Variants in CUL5 observed in about 807,000 individuals in gnomAD.
The protein encoded by CUL5 is cullin 5.
A neutral mutation model predicts 108.8 loss-of-function variants in CUL5; 26 were observed. That is an observed-to-expected ratio of 0.24 (90% CI 0.18 to 0.33). CUL5 has a LOEUF of 0.33. Ranked by LOEUF, CUL5 falls within the 10% of genes least tolerant of loss-of-function variation. The probability of loss-of-function intolerance (pLI) is 1.00; values close to 1 mark genes in which losing one functional copy is unlikely to be tolerated. For missense variants in CUL5, 524 were observed against 909.2 expected (o/e 0.58, Z 5.45); for synonymous variants, 334 against 298.0 (o/e 1.12, Z -1.25).
chr11:108,083,307 C>T (rs1351877471), intron 11 of CUL5, among the ~76,000 whole-genome samples: 1 of 152,192 alleles, frequency 6.6e-6, no homozygotes, highest in Non-Finnish European at 1.5e-5. Context: ...TTAACTGGTC[C>T]TTTACTGCTG....
Position 108,043,383 on chromosome 11 carries a change from CT to C in CUL5, c.135-2883del, listed in dbSNP as rs150233382. On this transcript the variant is annotated intron_variant, in intron 2 of 18. Transcript: ENST00000393094. ...GCCAATATGCCTGGCCCAGTCTCTT[CT>C]TTTAGACTCTAGATTCTTTTAGTCA... Among the ~76,000 whole-genome samples the C allele has an allele frequency of 5.8e-3, 890 of 152,292 alleles. 10 individuals carry two copies. The highest frequency in any genetic ancestry group is 0.02 in the African/African-American group (838 of 41,572).
intron 7 of CUL5, among the ~76,000 whole-genome samples, chr11:108,064,384 G>T (rs754217728): frequency 1.3e-5 from 2 of 152,116 alleles, no homozygotes; most frequent in Non-Finnish European, 2.9e-5. Flanking sequence ...ACTTGGTCAT[G>T]ATGAATGATT....
chr11:108,051,362 T>G (rs921444874), intron 4 of CUL5, among the ~76,000 whole-genome samples: 5 of 152,242 alleles, frequency 3.3e-5, no homozygotes, highest in African/African-American at 9.6e-5. Flanking sequence ...TGGATTCAAA[T>G]CTCAGTGTTG....
chr11:108,058,699 G>C (rs760930219), intron 7 of CUL5, among the ~76,000 whole-genome samples: 2 of 151,964 alleles, frequency 1.3e-5, no homozygotes, highest in Non-Finnish European at 2.9e-5. Context: ...TGAATGATAG[G>C]GAACTAGCCT....
chr11:108,070,656 GA>G (rs1863799555), intron 8 of CUL5, among the ~76,000 whole-genome samples: 1 of 151,764 alleles, frequency 6.6e-6, no homozygotes, highest in African/African-American at 2.4e-5. Context: ...TTCTTAAAAA[GA>G]TGTGTTTTGA....
At chr11:108,032,574 A>G (rs1349247337) in intron 1 of CUL5, among the ~76,000 whole-genome samples, 3 of 151,920 alleles carry the variant, frequency 2.0e-5, no homozygotes, top group Non-Finnish European at 4.4e-5. Context: ...TGACTAACAC[A>G]TATGGGGTCT....
At chr11:108,064,511 C>T (rs1310223217) in intron 7 of CUL5, among the ~76,000 whole-genome samples, 1 of 152,052 alleles carries the variant, frequency 6.6e-6, no homozygotes, top group African/African-American at 2.4e-5. Flanking sequence ...AGTTTGAGAC[C>T]AGCCTGGCCA....
At chr11:108,010,427 C>T (rs940298944) in intron 1 of CUL5, among the ~76,000 whole-genome samples, 1 of 152,198 alleles carries the variant, frequency 6.6e-6, no homozygotes, top group East Asian at 1.9e-4. Flanking sequence ...ATAGATGGGA[C>T]TGTCTCATAA....
intron 1 of CUL5, among the ~76,000 whole-genome samples, chr11:108,028,416 C>T (rs1237226315): frequency 6.6e-6 from 1 of 152,186 alleles, no homozygotes; most frequent in African/African-American, 2.4e-5. Flanking sequence ...ATACCTCCTA[C>T]CTCCATTGCT....
chr11:108,069,832 T>C (rs1863778064), intron 7 of CUL5, among the ~76,000 whole-genome samples: 2 of 152,220 alleles, frequency 1.3e-5, no homozygotes, highest in Admixed American at 6.5e-5. Flanking sequence ...TTTGGTTTTG[T>C]ATATTTTTCT....
intron 15 of CUL5, 121 bp from the exon 16 acceptor site, chr11:108,095,409 T>G (rs1201164680): frequency 1.5e-6 from 1 of 656,850 alleles, no homozygotes; most frequent in Non-Finnish European, 2.5e-6. Flanking sequence ...AAAATGTTTA[T>G]TACTGTGAAA....
chr11:108,016,986 T>C (rs1207288865), intron 1 of CUL5, among the ~76,000 whole-genome samples: 4 of 152,124 alleles, frequency 2.6e-5, no homozygotes, highest in Non-Finnish European at 5.9e-5. Flanking sequence ...TAGAAAACAT[T>C]GGTCAAATCC....
chr11:108,094,347 A>T (rs752715219), intron 13 of CUL5, 44 bp from the exon 14 acceptor site: 4 of 1,427,176 alleles, frequency 2.8e-6, no homozygotes, highest in African/African-American at 1.5e-5. Context: ...AATATATCAG[A>T]TTATGTATTT....
chr11:108,009,401 A>G, intron 1 of CUL5, 29 bp downstream of exon 1: 1 of 1,613,114 alleles, frequency 6.2e-7, no homozygotes, highest in Non-Finnish European at 8.5e-7. Context: ...CTTGGGTTTT[A>G]CTGTGTGGCC....
intron 4 of CUL5, 53 bp from the exon 5 acceptor site, chr11:108,052,607 C>A: frequency 6.7e-7 from 1 of 1,499,882 alleles, no homozygotes; most frequent in South Asian, 1.2e-5. Flanking sequence ...GTACATGATA[C>A]TTTGTATATT....
Position 108,098,400 on chromosome 11 carries a change from T to C in CUL5, c.2025-6T>C, listed in dbSNP as rs375903062. 1.2e-4 allele frequency: 186 copies of C among 1,600,130 alleles called. No homozygotes were observed. The highest frequency in any genetic ancestry group is 1.6e-4 in the Non-Finnish European group (183 of 1,175,170). ...CATAAAATACTTGATGCAATTCTTT[T>C]TGTAGAAAAAATGCAAAGGTTCAGA... On this transcript the variant is annotated splice_polypyrimidine_tract_variant and splice_region_variant and intron_variant, in intron 17 of 18. Coordinates refer to ENST00000393094, the MANE Select transcript of CUL5 (RefSeq NM_003478.6).
intron 1 of CUL5, among the ~76,000 whole-genome samples, chr11:108,018,140 G>T (rs1009403321): frequency 6.6e-6 from 1 of 152,188 alleles, no homozygotes; most frequent in East Asian, 1.9e-4. Context: ...TCTTAGGTTG[G>T]TTTGGGAGGC....
In CUL5 at chr11:108,088,773, C is replaced by G. The variant is rs549967912; in HGVS notation, c.1311+114C>G. On this transcript the variant is annotated intron_variant, in intron 12 of 18. Coordinates refer to ENST00000393094, the MANE Select transcript of CUL5 (RefSeq NM_003478.6). ...TTAAAAATGTATTATCTGTAAAGAA[C>G]TAATGTTACGAAGATTTGCAGTGCA... 5.4e-5 allele frequency: 43 copies of G among 795,774 alleles called. No individual in the cohort carries two copies. The African/African-American group carries it at 7.4e-4, about 14-fold the overall frequency. 49.3% of individuals were successfully genotyped at this position (795,774 alleles called of 1,614,324 possible).
At chr11:108,063,386 C>G (rs1036268735) in intron 7 of CUL5, among the ~76,000 whole-genome samples, 1 of 151,952 alleles carries the variant, frequency 6.6e-6, no homozygotes, top group African/African-American at 2.4e-5. Flanking sequence ...GGATCTCATT[C>G]TTTTTTTATG....
Sources: allele counts gnomAD v4.1 joint callset (sites outside exome capture counted in the v4.1 genomes callset), GRCh38; gene constraint gnomAD v4.1.1; transcripts MANE v1.5; gene names NCBI Gene and HGNC (gene_info 2026-07-23, HGNC 2026-07-21).